Variants in NRCAM observed in about 807,000 individuals in gnomAD.
NRCAM encodes NgCAM-related cell adhesion molecule.
Under a neutral mutation model 156.5 loss-of-function variants are expected in NRCAM, and 83 were observed. The ratio of observed to expected loss-of-function variants is 0.53; its 90% confidence interval spans 0.44 to 0.64. The LOEUF (loss-of-function observed/expected upper bound fraction) is 0.64. Ranked by LOEUF, NRCAM falls within the 30% of genes least tolerant of loss-of-function variation. The pLI is 0.00. For synonymous variants in NRCAM, 538 were observed against 563.9 expected, an observed-to-expected ratio of 0.95 and a Z score of 0.65; for missense variants, 1,417 against 1,597.3, an observed-to-expected ratio of 0.89 and a Z score of 1.92.
Position 108,232,339 on chromosome 7 carries a change from A to C in NRCAM, c.414T>G (p.Val138=), listed in dbSNP as rs971463700. 4.4e-6 allele frequency: 7 copies of C among 1,604,322 alleles called. No homozygotes were observed. The highest frequency in any genetic ancestry group is 5.1e-6 in the Non-Finnish European group (6 of 1,176,706). Reference sequence around the variant, plus strand: ...GTTTCCACTTACTGGATGGGCGGACAACAATGTTATTAGAAACTGCAGCTC... The same window carrying C: ...GTTTCCACTTACTGGATGGGCGGACCACAATGTTATTAGAAACTGCAGCTC... ...ERGAAVSNNI[V]VRPSRSPLWT... The change falls in exon 7 of 33, where the codon GTT becomes GTG. Residue 138 remains valine (V), a synonymous_variant. Transcript: ENST00000379028.
chr7:108,429,389 A>G (rs1188270595), intron 1 of NRCAM, among the ~76,000 whole-genome samples: 5 of 152,110 alleles, frequency 3.3e-5, no homozygotes, highest in African/African-American at 9.7e-5. Flanking sequence ...ACATGGCTTT[A>G]CAATATTGGC....
At chr7:108,371,744 G>C (rs544371678) in intron 2 of NRCAM, among the ~76,000 whole-genome samples, 1 of 152,118 alleles carries the variant, frequency 6.6e-6, no homozygotes, top group Non-Finnish European at 1.5e-5. Context: ...ATGACATGGA[G>C]AAAGTGCTTC....
chr7:108,188,341 T>G (rs1376191984), intron 20 of NRCAM, among the ~76,000 whole-genome samples: 1 of 151,938 alleles, frequency 6.6e-6, no homozygotes, highest in Non-Finnish European at 1.5e-5. Flanking sequence ...TTAACACTCC[T>G]TACAGCAGGT....
At chr7:108,186,848 C>T (rs536616319) in intron 20 of NRCAM, among the ~76,000 whole-genome samples, 2 of 152,316 alleles carry the variant, frequency 1.3e-5, no homozygotes, top group South Asian at 4.1e-4. Context: ...ATTTCCTATT[C>T]CCCACTGATT....
chr7:108,178,580 CCA>C (rs1443784490), intron 25 of NRCAM, among the ~76,000 whole-genome samples: 1 of 152,172 alleles, frequency 6.6e-6, no homozygotes, highest in African/African-American at 2.4e-5. Context: ...GCCAGCATGC[CCA>C]GGTGCAGAAA....
rs11413420 is a variant in NRCAM, at chr7:108,242,258, CAAAAAA to C, written c.-106-2094_-106-2089del. Among the ~76,000 whole-genome samples the C allele has an allele frequency of 4.1e-5, 4 of 98,500 alleles. No individual in the cohort carries two copies. In the East Asian group the frequency reaches 8.0e-4, roughly 20 times the overall value. 64.6% of individuals were successfully genotyped at this position (98,500 alleles called of 152,430 possible). A position where few individuals can be genotyped will look rare whatever the true frequency, so the allele number is the denominator to read the frequency against. On this transcript the variant is annotated intron_variant, in intron 3 of 32. Coordinates refer to ENST00000379028, the MANE Select transcript of NRCAM (RefSeq NM_001037132.4). ...TGGGTGACAGAGCAAGACCCCGTCT[CAAAAAA>C]AAAAAAAAAAAAAAGAATGTGCTAA...
intron 32 of NRCAM, among the ~76,000 whole-genome samples, chr7:108,157,753 G>A (rs996966512): frequency 6.6e-6 from 1 of 152,122 alleles, no homozygotes; most frequent in Non-Finnish European, 1.5e-5. Flanking sequence ...TCACATCGCT[G>A]TAAGAGCAAG....
intron 2 of NRCAM, among the ~76,000 whole-genome samples, chr7:108,330,975 T>G (rs934827395): frequency 3.9e-5 from 6 of 152,244 alleles, no homozygotes; most frequent in Non-Finnish European, 8.8e-5. Flanking sequence ...TTATGCTTAG[T>G]ATCCATTTTA....
chr7:108,385,260 T>C (rs1003840073), intron 2 of NRCAM, among the ~76,000 whole-genome samples: 2 of 152,222 alleles, frequency 1.3e-5, no homozygotes, highest in Non-Finnish European at 2.9e-5. Flanking sequence ...TCACTGCTGC[T>C]GTACTGTCCT....
chr7:108,182,609 T>C, intron 23 of NRCAM, 86 bp downstream of exon 23: 1 of 1,230,426 alleles, frequency 8.1e-7, no homozygotes, highest in Non-Finnish European at 1.2e-6. Flanking sequence ...CTCCCTCCCT[T>C]GCAACCTGAG....
intron 2 of NRCAM, among the ~76,000 whole-genome samples, chr7:108,365,367 C>G (rs962300331): frequency 4.6e-5 from 7 of 152,076 alleles, no homozygotes; most frequent in African/African-American, 1.7e-4. Context: ...GTCCTATTTA[C>G]TCCATAAAAT....
intron 2 of NRCAM, among the ~76,000 whole-genome samples, chr7:108,316,060 A>G (rs576417696): frequency 1.3e-5 from 2 of 152,364 alleles, no homozygotes; most frequent in East Asian, 1.9e-4. Flanking sequence ...CACAAAGTTC[A>G]TATGTGGGAA....
chr7:108,421,153 G>T (rs1358893400), intron 1 of NRCAM, among the ~76,000 whole-genome samples: 3 of 152,138 alleles, frequency 2.0e-5, no homozygotes, highest in Non-Finnish European at 4.4e-5. Context: ...GCGAAAAAAA[G>T]ACTATAAGTG....
chr7:108,328,798 G>GGGAGATTGTA (rs1350487770), intron 2 of NRCAM: 1 of 152,180 alleles, frequency 6.6e-6, no homozygotes, highest in African/African-American at 2.4e-5. Context: ...ACCTATGAGG[G>GGGAGATTGTA]GGAGATTGTA....
At position 108,392,391 on chromosome 7, in the gene NRCAM, C is replaced by T. The variant is rs561027262; in HGVS notation, c.-174+7045G>A. ...GCTACTAATGCTTGTTCATGCGTCA[C>T]GTAGTTCTCGTGCCATGGTTTTCAG... On this transcript the variant is annotated intron_variant, in intron 2 of 32. Transcript: ENST00000379028. Among the ~76,000 whole-genome samples, 6 of 152,286 alleles carry T rather than the reference C, an allele frequency of 3.9e-5. No homozygotes were observed. In the East Asian group the frequency reaches 5.8e-4, roughly 15 times the overall value.
At chr7:108,235,942 A>T (rs1333738602) in intron 5 of NRCAM, among the ~76,000 whole-genome samples, 1 of 152,110 alleles carries the variant, frequency 6.6e-6, no homozygotes, top group African/African-American at 2.4e-5. Context: ...TGCATCTGGG[A>T]AATTCCCCCA....
intron 1 of NRCAM, among the ~76,000 whole-genome samples, chr7:108,445,760 T>C (rs1843484061): frequency 6.6e-6 from 1 of 152,218 alleles, no homozygotes; most frequent in African/African-American, 2.4e-5. Flanking sequence ...TAATCAAAGA[T>C]GTTACATAAC....
At chr7:108,315,791 G>A (rs1179967679) in intron 2 of NRCAM, among the ~76,000 whole-genome samples, 2 of 152,214 alleles carry the variant, frequency 1.3e-5, no homozygotes, top group African/African-American at 2.4e-5. Context: ...TGTGGATCAT[G>A]CTTTACCTTT....
chr7:108,350,860 T>G (rs756404132), intron 2 of NRCAM, among the ~76,000 whole-genome samples: 1 of 152,244 alleles, frequency 6.6e-6, no homozygotes, highest in Non-Finnish European at 1.5e-5. Flanking sequence ...TTTCTTTTCA[T>G]GATCTTACAT....
Sources: gnomAD v4.1 joint callset for allele counts (sites outside exome capture counted in the v4.1 genomes callset) on GRCh38, gnomAD v4.1.1 for gene constraint, MANE v1.5 for transcripts, NCBI Gene and HGNC (gene_info 2026-07-23, HGNC 2026-07-21) for gene names.